The following INSR variants were observed in gnomAD, a reference collection of about 807,000 sequenced individuals.
The protein encoded by INSR is IR.
In INSR, 67 loss-of-function variants were observed where a neutral mutation model predicts 142.6. The ratio of observed to expected loss-of-function variants is 0.47; its 90% CI spans 0.39 to 0.58. The LOEUF is 0.58. Ranked by LOEUF, INSR falls within the 20% of genes least tolerant of loss-of-function variation. The pLI is 0.00. For missense variants in INSR, 1,248 were observed against 1,833.2 expected (o/e 0.68, Z 5.83); for synonymous variants, 756 against 743.1 (o/e 1.02, Z -0.28).
chr19:7,178,887 T>C (rs1009448782), intron 3 of INSR, among the ~76,000 whole-genome samples: 1 of 152,188 alleles, frequency 6.6e-6, no homozygotes, highest in Non-Finnish European at 1.5e-5. Context: ...ATGTGTATCC[T>C]TTATAATAAA....
Position 7,293,989 on chromosome 19 carries a change from C to T in INSR, c.-98G>A, listed in dbSNP as rs1600141546. The T allele has an allele frequency of 9.0e-7, 1 of 1,108,892 alleles. No individual in the cohort carries two copies. Among genetic ancestry groups the T allele is most frequent in the African/African-American group, 1.7e-5 (1 of 60,236 alleles). The allele number at this position is 1,108,892 out of a possible 1,614,324, so 68.7% of individuals were successfully genotyped here. A position where few individuals can be genotyped will look rare whatever the true frequency, so the allele number is the denominator to read the frequency against. On this transcript the variant is annotated 5_prime_UTR_variant, in exon 1 of 22. Transcript: ENST00000302850. ...GCCACCCAAGAGGCGCTGGGGGCCG[C>T]GCGTCCTTCTCTTCCACGCCCGCGA...
At chr19:7,137,798 CAAAAAAA>C (rs1176523364) in intron 13 of INSR, among the ~76,000 whole-genome samples, 805 of 41,444 alleles carry the variant, frequency 0.019, 14 homozygotes, top group African/African-American at 0.077. Flanking sequence ...GACTCCATCT[CAAAAAAA>C]AAAAAAAAAA....
intron 2 of INSR, among the ~76,000 whole-genome samples, chr19:7,188,544 C>T (rs11666330): frequency 0.58 from 77,582 of 133,156 alleles, 22,492 homozygotes; most frequent in Non-Finnish European, 0.63. Context: ...AGTGAGACTC[C>T]GTCCAAAAAA....
chr19:7,163,290 C>T, intron 8 of INSR, 91 bp from the exon 9 acceptor site: 1 of 1,277,908 alleles, frequency 7.8e-7, no homozygotes, highest in Non-Finnish European at 1.1e-6. Flanking sequence ...AAGTTAAAGA[C>T]ATCATGAGGG....
At chr19:7,184,040 C>T (rs1974345912) in intron 3 of INSR, among the ~76,000 whole-genome samples, 1 of 122,174 alleles carries the variant, frequency 8.2e-6, no homozygotes, top group South Asian at 3.0e-4. Flanking sequence ...GCTTGGGAGT[C>T]TTGCGGCAAG....
At chr19:7,215,526 C>G (rs932417808) in intron 2 of INSR, among the ~76,000 whole-genome samples, 1 of 151,136 alleles carries the variant, frequency 6.6e-6, no homozygotes, top group East Asian at 2.0e-4. Context: ...ACGCCAGCAG[C>G]CCCTGAAAAC....
chr19:7,133,360 G>C (rs1213277758), intron 13 of INSR, among the ~76,000 whole-genome samples: 1 of 152,196 alleles, frequency 6.6e-6, no homozygotes, highest in Non-Finnish European at 1.5e-5. Context: ...ATTAAAACAA[G>C]CTAATTAAAT....
intron 13 of INSR, among the ~76,000 whole-genome samples, chr19:7,135,145 C>G (rs1370742610): frequency 1.7e-5 from 2 of 116,152 alleles, no homozygotes; most frequent in East Asian, 2.7e-4. Flanking sequence ...GTGACAATAA[C>G]AGCAAGAAAA....
rs777271464 is a variant in INSR, at chr19:7,143,038, C to T, written c.2320G>A (p.Val774Met). The change falls in exon 12 of 22, where the codon GTG becomes ATG. Residue 774 changes from valine to methionine, a missense_variant. Physicochemically the swap from Val to Met is conservative, Grantham distance 21. Coordinates refer to ENST00000302850, the MANE Select transcript of INSR (RefSeq NM_000208.4). ...LGDVGNVTVA[V>M]PTVAAFPNTS... ...TTGGGGAAAGCTGCCACCGTGGGCA[C>T]GGCCACCGTCACATTCCCAACATCG... 54 of 1,614,096 alleles carry T rather than the reference C, an allele frequency of 3.3e-5. No individual in the cohort carries two copies. Among genetic ancestry groups the T allele is most frequent in the African/African-American group, 1.1e-4 (8 of 74,938 alleles).
intron 2 of INSR, among the ~76,000 whole-genome samples, chr19:7,198,278 C>T (rs1019740303): frequency 4.0e-5 from 6 of 151,474 alleles, no homozygotes; most frequent in African/African-American, 1.5e-4. Context: ...CCCGGGTGCG[C>T]CGGGCTCCGC....
intron 2 of INSR, among the ~76,000 whole-genome samples, 162 bp from the exon 3 acceptor site, chr19:7,184,799 A>G (rs1410341129): frequency 7.7e-6 from 1 of 129,050 alleles, no homozygotes; most frequent in Non-Finnish European, 1.8e-5. Flanking sequence ...GCACGTCTAC[A>G]TCATTACCCA....
chr19:7,203,001 T>TTG (rs1480627349), intron 2 of INSR, among the ~76,000 whole-genome samples: 6 of 150,936 alleles, frequency 4.0e-5, no homozygotes, highest in South Asian at 2.1e-4. Context: ...TTGTTGTTTT[T>TTG]TTTTTTTTTT....
intron 17 of INSR, among the ~76,000 whole-genome samples, chr19:7,124,131 A>G (rs1972562379): frequency 6.6e-6 from 1 of 151,946 alleles, no homozygotes; most frequent in Non-Finnish European, 1.5e-5. Flanking sequence ...TGGGAGGCCA[A>G]GGCGGGTGGA....
intron 2 of INSR, among the ~76,000 whole-genome samples, chr19:7,200,068 A>G (rs1356336731): frequency 1.3e-5 from 2 of 152,186 alleles, no homozygotes; most frequent in Non-Finnish European, 2.9e-5. Context: ...AGGGCAAAGT[A>G]CAGGATGAGA....
chr19:7,256,750 A>T (rs951829496), intron 2 of INSR, among the ~76,000 whole-genome samples: 1 of 152,064 alleles, frequency 6.6e-6, no homozygotes, highest in Non-Finnish European at 1.5e-5. Context: ...CAAGAAAAAA[A>T]AATGCCAATC....
chr19:7,119,829 AACAC>A lies in INSR; in HGVS notation c.3660-250_3660-247del, dbSNP rs898299432. Among the ~76,000 whole-genome samples, 35 of 40,198 alleles carry A rather than the reference AACAC, an allele frequency of 8.7e-4. No homozygotes were observed. The highest frequency in any genetic ancestry group is 2.9e-3 in the South Asian group (4 of 1,364). 26.4% of individuals were successfully genotyped at this position (40,198 alleles called of 152,430 possible). A position where few individuals can be genotyped will look rare whatever the true frequency, so the allele number is the denominator to read the frequency against. ...ACACACAAACACATATACACACACA[AACAC>A]ACACACCCAAACACACACACGCACA... On this transcript the variant is annotated intron_variant, in intron 20 of 21. Coordinates refer to ENST00000302850, the MANE Select transcript of INSR (RefSeq NM_000208.4). The surrounding 1 kb of genome is among the most constrained non-coding windows in gnomAD (Gnocchi z 5.2).
At chr19:7,289,567 G>T (rs1968436669) in intron 1 of INSR, among the ~76,000 whole-genome samples, 2 of 151,826 alleles carry the variant, frequency 1.3e-5, no homozygotes, top group South Asian at 4.2e-4. Context: ...CACCACACCT[G>T]GCTAATTTTT....
chr19:7,170,621 G>A lies in INSR; in HGVS notation c.1399C>T (p.His467Tyr), dbSNP rs1402722522. ...YNPKLCLSEIHKMEEVSGTKG... is the reference protein window; with the variant it reads ...YNPKLCLSEIYKMEEVSGTKG... Reference sequence around the variant, plus strand: ...GTTCCTGAAACTTCTTCCATCTTGTGGATTTCTGACAAGCAGAGTTTGGGG... The same window carrying A: ...GTTCCTGAAACTTCTTCCATCTTGTAGATTTCTGACAAGCAGAGTTTGGGG... The change falls in exon 6 of 22, where the codon CAC (histidine) becomes TAC (tyrosine). Residue 467 changes from histidine to tyrosine, a missense_variant. This residue lies in a region of INSR where 1,069 missense variants were observed against 1,654.0 expected (regional missense o/e 0.65). Transcript: ENST00000302850. 6.2e-7 allele frequency: 1 copy of A among 1,613,904 alleles called. No homozygotes were observed. Among genetic ancestry groups the A allele is most frequent in the South Asian group, 1.1e-5 (1 of 91,076 alleles).
chr19:7,195,150 G>A (rs925210906), intron 2 of INSR, among the ~76,000 whole-genome samples: 1 of 152,076 alleles, frequency 6.6e-6, no homozygotes, highest in Non-Finnish European at 1.5e-5. Flanking sequence ...TGAGCCTTAC[G>A]GGAAATGTAT....
Sources: allele counts gnomAD v4.1 joint callset (sites outside exome capture counted in the v4.1 genomes callset), GRCh38; gene constraint gnomAD v4.1.1; regional missense constraint gnomAD v4.1.1; non-coding constraint Gnocchi (gnomAD v3.1); transcripts MANE v1.5; gene names NCBI Gene and HGNC (gene_info 2026-07-23, HGNC 2026-07-21).